The following FKBP10 variants were observed in gnomAD, a reference collection of about 807,000 sequenced individuals.
FKBP10 encodes FKBP prolyl isomerase 10.
A neutral mutation model predicts 53.7 loss-of-function variants in FKBP10; 34 were observed. The ratio of observed to expected loss-of-function variants is 0.63; its 90% CI spans 0.48 to 0.84. The LOEUF is 0.84. Ranked by LOEUF, FKBP10 falls within the 40% of genes least tolerant of loss-of-function variation. The pLI is 0.00. For missense variants in FKBP10, 748 were observed against 797.8 expected (o/e 0.94, Z 0.75); for synonymous variants, 324 against 335.7 (o/e 0.97, Z 0.38).
rs1255679632 is a variant in FKBP10 at position 41,822,241 on chromosome 17, G to C, written c.1582G>C (p.Ala528Pro). ...GCCCCAGTTCTCCACCTTCATCAAG[G>C]CTCAAGTGAGTGAGGGCAAAGGACG... Reference protein sequence around the residue: ...PPEEFSTFIKAQVSEGKGRLM... With the variant: ...PPEEFSTFIKPQVSEGKGRLM... The change falls in exon 10 of 10, where the codon GCT becomes CCT. Residue 528 changes from alanine to proline, a missense_variant. Physicochemically the swap from Ala to Pro is conservative, Grantham distance 27. Coordinates refer to ENST00000321562, the MANE Select transcript of FKBP10 (RefSeq NM_021939.4). The C allele has an allele frequency of 6.2e-7, 1 of 1,613,156 alleles. No homozygotes were observed. Among genetic ancestry groups the C allele is most frequent in the Non-Finnish European group, 8.5e-7 (1 of 1,179,682 alleles).
At chr17:41,817,937 CTT>C (rs1317293014) in intron 2 of FKBP10, 150 bp from the exon 3 acceptor site, 2 of 819,998 alleles carry the variant, frequency 2.4e-6, no homozygotes, top group Non-Finnish European at 4.0e-6. Flanking sequence ...CCCCCTATCT[CTT>C]AAAAAAAAAA....
rs1326141313 is a variant in FKBP10 at position 41,822,377 on chromosome 17, A to T, written c.1718A>T (p.Glu573Val). ...GACGAGCTCAAGCTGAAGTCAGATG[A>T]GGACGAGGAGCGGGTCCACGAGGAG... is the stretch of plus-strand genomic sequence containing the variant. The part of the protein sequence containing the change: ...TVDELKLKSD[E>V]DEERVHEEL Residue 573 changes from glutamate to valine, a missense_variant, in exon 10 of 10, where the codon GAG becomes GTG. Coordinates refer to ENST00000321562, the MANE Select transcript of FKBP10 (RefSeq NM_021939.4). The T allele has an allele frequency of 6.2e-6, 10 of 1,611,562 alleles. No individual in the cohort carries two copies. The highest frequency in any genetic ancestry group is 8.5e-6 in the Non-Finnish European group (10 of 1,178,966).
chr17:41,817,420 A>G (rs1446903537), intron 2 of FKBP10, among the ~76,000 whole-genome samples: 4 of 151,934 alleles, frequency 2.6e-5, no homozygotes, highest in Non-Finnish European at 5.9e-5. Context: ...GCTTGAACCC[A>G]GGAGTTCCAG....
At chr17:41,821,631 C>T (rs1261882923) in intron 8 of FKBP10, 23 bp from the exon 9 acceptor site, 1 of 1,613,150 alleles carries the variant, frequency 6.2e-7, no homozygotes, top group Admixed American at 1.7e-5. Context: ...GGACCCCTCC[C>T]TTCTCTCCTG....
rs1597908155 is a variant in FKBP10 at position 41,819,671 on chromosome 17, A to G, written c.1059A>G (p.Gly353=). ...CGCACCTCGCCTATGGGGAGAATGG[A>G]ACTGGTAGGGGCGTTCCCCAGCCAC... ...IPPHLAYGEN[G]TGDKIPGSAV... Residue 353 remains glycine (G), a synonymous_variant, in exon 6 of 10, where the codon GGA becomes GGG. Coordinates refer to ENST00000321562, the MANE Select transcript of FKBP10 (RefSeq NM_021939.4). 2 of 1,602,510 alleles carry G rather than the reference A, an allele frequency of 1.2e-6. No individual in the cohort carries two copies. Among genetic ancestry groups the G allele is most frequent in the Admixed American group, 1.7e-5 (1 of 58,638 alleles).
rs1567856963 is a variant in FKBP10, at chr17:41,822,318, C to A, written c.1659C>A (p.Asn553Lys). ...PEKTIGDMFQ[N>K]QDRNQDGKIT... ...AAACCATAGGAGACATGTTCCAGAA[C>A]CAGGACCGCAACCAGGACGGCAAGA... Residue 553 changes from asparagine to lysine, a missense_variant, in exon 10 of 10, where the codon AAC becomes AAA. Transcript: ENST00000321562. 1 of 1,613,798 alleles carries A rather than the reference C, an allele frequency of 6.2e-7. No individual in the cohort carries two copies.
At chr17:41,818,578 C>T (rs1555616467) in intron 4 of FKBP10, 51 bp downstream of exon 4, 3 of 1,609,994 alleles carry the variant, frequency 1.9e-6, no homozygotes, top group South Asian at 1.1e-5. Flanking sequence ...AGGGAAAAAC[C>T]AGGCCTCCAC....
At position 41,813,071 on chromosome 17, in the gene FKBP10, C is replaced by T; in HGVS notation, c.37C>T (p.Arg13Trp). 1 of 1,610,538 alleles carries T rather than the reference C, an allele frequency of 6.2e-7. No individual in the cohort carries two copies. Among genetic ancestry groups the T allele is most frequent in the Non-Finnish European group, 8.5e-7 (1 of 1,179,694 alleles). Residue 13 changes from arginine to tryptophan, a missense_variant, in exon 1 of 10, where the codon CGG becomes TGG. Arg to Trp is a moderately radical substitution (Grantham distance 101). Coordinates refer to ENST00000321562, the MANE Select transcript of FKBP10 (RefSeq NM_021939.4). ...PAGPPSHSLL[R>W]LPLLQLLLLV... ...GGGCCCCCCCAGCCACAGCCTCCTC[C>T]GGCTCCCCCTGCTGCAGTTGCTGCT...
chr17:41,813,059 CACAGCCT>C lies in FKBP10; in HGVS notation c.26_32del (p.His9ProfsTer148). On this transcript the variant is annotated frameshift_variant, in exon 1 of 10. Coordinates refer to ENST00000321562, the MANE Select transcript of FKBP10 (RefSeq NM_021939.4). LOFTEE classifies it high-confidence loss of function. Reference sequence around the variant, plus strand: ...CATGTTCCCCGCGGGCCCCCCCAGCCACAGCCTCCTCCGGCTCCCCCTGCTGCAGTTG... The same window carrying C: ...CATGTTCCCCGCGGGCCCCCCCAGCCCCTCCGGCTCCCCCTGCTGCAGTTG... The C allele has an allele frequency of 6.2e-7, 1 of 1,610,372 alleles. No individual in the cohort carries two copies. Among genetic ancestry groups the C allele is most frequent in the Non-Finnish European group, 8.5e-7 (1 of 1,179,690 alleles).
intron 5 of FKBP10, 37 bp downstream of exon 5, chr17:41,819,436 G>A (rs2047860397): frequency 6.2e-7 from 1 of 1,612,788 alleles, no homozygotes; most frequent in South Asian, 1.1e-5. Flanking sequence ...CGGGGGCTGG[G>A]TGAAACGTGG....
Position 41,822,757 on chromosome 17 carries a change from T to C in FKBP10, c.*349T>C. The stretch of plus-strand genomic sequence containing the variant: ...GACACAGCTGAGCTTGTTATCCATC[T>C]CCCCAAACTTTCTCTTTCTTTGTAC... On this transcript the variant is annotated 3_prime_UTR_variant, in exon 10 of 10. Transcript: ENST00000321562. The C allele has an allele frequency of 2.6e-6, 1 of 386,004 alleles. No individual in the cohort carries two copies. The allele number at this position is 386,004 out of a possible 1,614,324, so 23.9% of individuals were successfully genotyped here.
intron 1 of FKBP10, among the ~76,000 whole-genome samples, chr17:41,815,433 A>G (rs2047802595): frequency 6.6e-6 from 1 of 151,948 alleles, no homozygotes; most frequent in Admixed American, 6.5e-5. Context: ...TGCTAGAATT[A>G]CAGGCGTGAG....
chr17:41,820,724 G>A (rs1279679231), intron 7 of FKBP10: 2 of 689,580 alleles, frequency 2.9e-6, no homozygotes, highest in Non-Finnish European at 4.8e-6. Flanking sequence ...ACTGACGCAG[G>A]GAGCCATGAG....
rs375856763 is a variant in FKBP10 at position 41,822,186 on chromosome 17, C to T, written c.1564-37C>T. 5.6e-6 allele frequency: 9 copies of T among 1,593,316 alleles called. No individual in the cohort carries two copies. In the African/African-American group the frequency reaches 9.4e-5, roughly 17 times the overall value. On this transcript the variant is annotated intron_variant, in intron 9 of 9. Transcript: ENST00000321562. Reference sequence around the variant, plus strand: ...CCCCTGCCCCTCCCAAGGCCATGACCCTCACTGCCCGCTCCCCCGGCTCTC... The same window carrying T: ...CCCCTGCCCCTCCCAAGGCCATGACTCTCACTGCCCGCTCCCCCGGCTCTC...
Position 41,818,198 on chromosome 17 carries a change from C to T in FKBP10, c.501C>T (p.Cys167=). ...QVSTLLRPPH[C]PRMVQDGDFV... ...GCACATTGCTGCGCCCGCCCCACTG[C>T]CCCCGCATGGTCCAGGACGGCGACT... The change falls in exon 3 of 10, where the codon TGC becomes TGT. Residue 167 remains cysteine (C), a synonymous_variant. Transcript: ENST00000321562. 1 of 1,613,540 alleles carries T rather than the reference C, an allele frequency of 6.2e-7. No individual in the cohort carries two copies. The highest frequency in any genetic ancestry group is 1.3e-5 in the African/African-American group (1 of 75,068).
At chr17:41,819,027 G>A in intron 4 of FKBP10, 183 bp from the exon 5 acceptor site, 1 of 632,126 alleles carries the variant, frequency 1.6e-6, no homozygotes, top group Non-Finnish European at 2.8e-6. Context: ...GCCGGTGGTG[G>A]CCCTGGGGAA....
rs782810616 is a variant in FKBP10, at chr17:41,818,157, G to C, written c.460G>C (p.Asp154His). The change falls in exon 3 of 10, where the codon GAC becomes CAC. Residue 154 changes from aspartate to histidine, a missense_variant. Coordinates refer to ENST00000321562, the MANE Select transcript of FKBP10 (RefSeq NM_021939.4). ...VVLLDVWNKE[D>H]TVQVSTLLRP... The stretch of plus-strand genomic sequence containing the variant: ...TCTGCTGGATGTGTGGAACAAGGAA[G>C]ACACCGTGCAGGTGAGCACATTGCT... 6.2e-7 allele frequency: 1 copy of C among 1,613,876 alleles called. No individual in the cohort carries two copies. The highest frequency in any genetic ancestry group is 8.5e-7 in the Non-Finnish European group (1 of 1,179,960).
In FKBP10 at chr17:41,819,626, C is replaced by A; in HGVS notation, c.1014C>A (p.Arg338=). 1.2e-6 allele frequency: 2 copies of A among 1,612,910 alleles called. No individual in the cohort carries two copies. The highest frequency in any genetic ancestry group is 1.7e-6 in the Non-Finnish European group (2 of 1,179,610). ...QGLQGACMGE[R]RRITIPPHLA... Reference sequence around the variant, plus strand: ...TGCAGGGTGCCTGCATGGGGGAACGCCGGAGAATTACCATCCCCCCGCACC... The same window carrying A: ...TGCAGGGTGCCTGCATGGGGGAACGACGGAGAATTACCATCCCCCCGCACC... Residue 338 remains arginine, a synonymous_variant, in exon 6 of 10, where the codon CGC becomes CGA. Coordinates refer to ENST00000321562, the MANE Select transcript of FKBP10 (RefSeq NM_021939.4).
In FKBP10 at chr17:41,819,332, G is replaced by A. The variant is rs372214186; in HGVS notation, c.850G>A (p.Gly284Arg). Residue 284 changes from glycine to arginine, a missense_variant, in exon 5 of 10, where the codon GGG becomes AGG. Physicochemically the swap from Gly to Arg is moderately radical, Grantham distance 125. Coordinates refer to ENST00000321562, the MANE Select transcript of FKBP10 (RefSeq NM_021939.4). ...ELPPGCVRRA[G>R]AGDFMRYHYN... ...CCCCCCCGGCTGTGTCCGCAGAGCC[G>A]GGGCCGGGGACTTCATGCGCTACCA... is the stretch of plus-strand genomic sequence containing the variant. The A allele has an allele frequency of 3.0e-4, 487 of 1,614,062 alleles. 4 individuals are homozygous for A. The highest frequency in any genetic ancestry group is 2.5e-3 in the Middle Eastern group (15 of 6,062).
Sources: allele counts gnomAD v4.1 joint callset (sites outside exome capture counted in the v4.1 genomes callset), GRCh38; gene constraint gnomAD v4.1.1; transcripts MANE v1.5; gene names NCBI Gene and HGNC (gene_info 2026-07-23, HGNC 2026-07-21).